The following FALEC variants were observed in gnomAD, a reference collection of about 807,000 sequenced individuals.
FALEC encodes focally amplified lncRNA regulator of ECM1.
downstream of FALEC, among the ~76,000 whole-genome samples, chr1:150,522,832 ACTCTCTCTCT>A (rs71732573): frequency 1.3e-4 from 8 of 59,570 alleles, no homozygotes; most frequent in Non-Finnish European, 2.7e-4. Context: ...GGATTAATGA[ACTCTCTCTCT>A]CTCTCTCTCT....
chr1:150,530,514 T>A, the FALEC span, among the ~76,000 whole-genome samples: 1 of 152,196 alleles, frequency 6.6e-6, no homozygotes, highest in South Asian at 2.1e-4. Flanking sequence ...AGGGACTCTC[T>A]GAGGCCGGTG....
At chr1:150,520,748 A>G (rs2101456083), downstream of FALEC, among the ~76,000 whole-genome samples, 1 of 132,434 alleles carries the variant, frequency 7.6e-6, no homozygotes. Flanking sequence ...TATTTTATAT[A>G]CCTGTAGTTC....
chr1:150,528,010 G>A, the FALEC span, among the ~76,000 whole-genome samples: 2 of 152,038 alleles, frequency 1.3e-5, no homozygotes, highest in Non-Finnish European at 2.9e-5. Flanking sequence ...TGGGGTCCTC[G>A]CTGTATTATG....
chr1:150,522,537 C>T (rs1387390317), downstream of FALEC, among the ~76,000 whole-genome samples: 3 of 151,246 alleles, frequency 2.0e-5, no homozygotes, highest in Admixed American at 1.3e-4. Flanking sequence ...GCAGGAGAAT[C>T]GCTTGAACCC....
chr1:150,528,200 T>C, the FALEC span, among the ~76,000 whole-genome samples: 2 of 152,012 alleles, frequency 1.3e-5, no homozygotes, highest in East Asian at 1.9e-4. Context: ...CCCTTTCTCT[T>C]TTTTTTTGCA....
At chr1:150,515,835 C>G (rs890572554) in exon 1 of FALEC, 3 of 152,406 alleles carry the variant, frequency 2.0e-5, no homozygotes, top group Non-Finnish European at 4.4e-5. Context: ...TCCCCTACCC[C>G]CCGGTCCCAC....
the FALEC span, among the ~76,000 whole-genome samples, chr1:150,534,213 C>T: frequency 1.8e-4 from 27 of 152,230 alleles, no homozygotes; most frequent in African/African-American, 4.1e-4. Context: ...TGCAGGAGGG[C>T]GGCACCTCCC....
At chr1:150,528,719 G>T in the FALEC span, among the ~76,000 whole-genome samples, 64 of 151,644 alleles carry the variant, frequency 4.2e-4, no homozygotes, top group Middle Eastern at 3.4e-3. Flanking sequence ...GTAGTAACTG[G>T]GACTACAGGT....
intron 1 of FALEC, among the ~76,000 whole-genome samples, chr1:150,517,026 C>T (rs587614085): frequency 5.3e-5 from 8 of 152,198 alleles, no homozygotes; most frequent in South Asian, 2.1e-4. Flanking sequence ...TAGCCAGGCG[C>T]GGTGGCTCAC....
chr1:150,522,528 C>A (rs1298673292), downstream of FALEC, among the ~76,000 whole-genome samples: 1 of 150,948 alleles, frequency 6.6e-6, no homozygotes, highest in African/African-American at 2.4e-5. Flanking sequence ...GAGGCTGAGG[C>A]AGGAGAATCG....
At chr1:150,536,683 G>T in the FALEC span, among the ~76,000 whole-genome samples, 1 of 152,180 alleles carries the variant, frequency 6.6e-6, no homozygotes, top group Admixed American at 6.6e-5. Context: ...CAGCTACTCA[G>T]GAGGCTGAGT....
At chr1:150,535,949 A>G in the FALEC span, among the ~76,000 whole-genome samples, 7 of 152,244 alleles carry the variant, frequency 4.6e-5, no homozygotes, top group Non-Finnish European at 1.0e-4. Context: ...ATTTCATCAC[A>G]CAGTCCTCCA....
intron 1 of FALEC, among the ~76,000 whole-genome samples, chr1:150,517,515 G>C (rs1251987542): frequency 2.6e-5 from 4 of 152,058 alleles, no homozygotes; most frequent in African/African-American, 9.7e-5. Flanking sequence ...GGTATTAGGA[G>C]GTGGGGCCTT....
chr1:150,533,097 C>T, the FALEC span, among the ~76,000 whole-genome samples: 1 of 152,212 alleles, frequency 6.6e-6, no homozygotes, highest in Non-Finnish European at 1.5e-5. Flanking sequence ...AGGAGGCTCA[C>T]GCCTGGCCAG....
chr1:150,520,130 C>CA (rs1299840640), downstream of FALEC, among the ~76,000 whole-genome samples: 1 of 152,054 alleles, frequency 6.6e-6, no homozygotes, highest in Non-Finnish European at 1.5e-5. Flanking sequence ...GCCTGGGCAA[C>CA]AAAAAGTGAA....
downstream of FALEC, among the ~76,000 whole-genome samples, chr1:150,522,867 G>GTATATATATATACACA (rs1397962460): frequency 2.9e-5 from 2 of 68,108 alleles, no homozygotes; most frequent in Non-Finnish European, 6.4e-5. Context: ...ATATATATAC[G>GTATATATATATACACA]TATATATACA....
the FALEC span, among the ~76,000 whole-genome samples, chr1:150,534,101 G>A: frequency 6.6e-6 from 1 of 152,228 alleles, no homozygotes; most frequent in East Asian, 1.9e-4. Context: ...GGGTGGGGCA[G>A]TGACAAACCC....
chr1:150,529,028 A>AAAAAAAAAAAAAAAAAAAAAC, the FALEC span, among the ~76,000 whole-genome samples: 1 of 150,972 alleles, frequency 6.6e-6, no homozygotes, highest in African/African-American at 2.4e-5. Context: ...AAAAAAAAAA[A>AAAAAAAAAAAAAAAAAAAAAC]AAAAAAAAAA....
chr1:150,520,706 G>A (rs1429168766), downstream of FALEC, among the ~76,000 whole-genome samples: 1 of 149,148 alleles, frequency 6.7e-6, no homozygotes, highest in African/African-American at 2.5e-5. Flanking sequence ...TATTTTTTGT[G>A]CATGTCTGAC....
Sources: allele counts gnomAD v4.1 joint callset (sites outside exome capture counted in the v4.1 genomes callset), GRCh38; gene constraint gnomAD v4.1.1; transcripts MANE v1.5; gene names NCBI Gene and HGNC (gene_info 2026-07-23, HGNC 2026-07-21).